Variants in PDE1C observed in about 807,000 individuals in gnomAD.
PDE1C encodes dual specificity calcium/calmodulin-dependent 3',5'-cyclic nucleotide phosphodiesterase 1C.
A neutral mutation model predicts 93.1 loss-of-function variants in PDE1C; 62 were observed. The observed-to-expected ratio is 0.67, with a 90% CI of 0.54 to 0.82. The LOEUF (loss-of-function observed/expected upper bound fraction) is 0.82. PDE1C is among the 40% of genes least tolerant of loss of function. The pLI is 0.00. For missense variants in PDE1C, 742 were observed against 884.6 expected (o/e 0.84, Z 2.04); for synonymous variants, 325 against 310.1 (o/e 1.05, Z -0.50).
At chr7:31,648,939 G>T in the PDE1C span, among the ~76,000 whole-genome samples, 6 of 152,306 alleles carry the variant, frequency 3.9e-5, no homozygotes, top group South Asian at 2.1e-4. Context: ...GTCAGAACAC[G>T]TATCTATAAC....
chr7:31,656,579 T>A, the PDE1C span: 1 of 645,342 alleles, frequency 1.5e-6, no homozygotes, highest in Non-Finnish European at 1.9e-6. Flanking sequence ...TACCGCTTGA[T>A]GAATGAATGA....
intron 1 of PDE1C, among the ~76,000 whole-genome samples, chr7:32,342,790 A>G (rs1562682994): frequency 1.3e-5 from 2 of 152,224 alleles, no homozygotes; most frequent in Non-Finnish European, 2.9e-5. Flanking sequence ...ATGAGGCTTA[A>G]ATAAGTTAAC....
At chr7:31,702,607 C>G in the PDE1C span, among the ~76,000 whole-genome samples, 2 of 152,204 alleles carry the variant, frequency 1.3e-5, no homozygotes, top group East Asian at 3.9e-4. Context: ...ATACCCAAAA[C>G]TTTGTCATCT....
chr7:31,637,978 A>G, the PDE1C span, among the ~76,000 whole-genome samples: 1 of 152,308 alleles, frequency 6.6e-6, no homozygotes, highest in East Asian at 1.9e-4. Context: ...TCCCAACACC[A>G]TTTATTAAAT....
At chr7:31,960,967 A>T (rs1808853800) in intron 2 of PDE1C, among the ~76,000 whole-genome samples, 1 of 152,142 alleles carries the variant, frequency 6.6e-6, no homozygotes, top group Non-Finnish European at 1.5e-5. Context: ...CTGTGTGTTC[A>T]ATTTCATCAT....
chr7:32,245,505 C>A (rs187467061), intron 1 of PDE1C, among the ~76,000 whole-genome samples: 1 of 152,150 alleles, frequency 6.6e-6, no homozygotes, highest in Non-Finnish European at 1.5e-5. Context: ...CTTCCCCTTT[C>A]GCCACCTTCC....
At chr7:32,290,843 T>C (rs1812287225) in intron 1 of PDE1C, among the ~76,000 whole-genome samples, 1 of 152,102 alleles carries the variant, frequency 6.6e-6, no homozygotes, top group South Asian at 2.1e-4. Context: ...GTGAAGCACA[T>C]GAAAAATGCC....
At chr7:32,386,107 T>C (rs1391617655) in intron 1 of PDE1C, among the ~76,000 whole-genome samples, 23 of 119,680 alleles carry the variant, frequency 1.9e-4, no homozygotes, top group Non-Finnish European at 3.9e-4. Context: ...TTTTTTTTTT[T>C]CCAGAAACAA....
chr7:32,360,008 C>G (rs1382728348), intron 1 of PDE1C, among the ~76,000 whole-genome samples: 2 of 152,102 alleles, frequency 1.3e-5, no homozygotes, highest in East Asian at 3.9e-4. Flanking sequence ...CAAGTATGGC[C>G]ACCATACTTG....
In PDE1C at chr7:32,064,798, T is replaced by C. The variant is rs1795188508; in HGVS notation, c.101+5495A>G. 2.0e-5 allele frequency among the ~76,000 whole-genome samples: 3 copies of C among 152,246 alleles called. No homozygotes were observed. The South Asian group carries it at 6.2e-4, about 32-fold the overall frequency. ...CACCTCCTCAAACTATGAGCATACA[T>C]AATTTTGAGTAAAACAAAAAGTAAA... On this transcript the variant is annotated intron_variant, in intron 1 of 17. Coordinates refer to ENST00000396191, the MANE Select transcript of PDE1C (RefSeq NM_001191057.4).
At chr7:31,816,496 G>A (rs867721461) in intron 14 of PDE1C, among the ~76,000 whole-genome samples, 5 of 151,984 alleles carry the variant, frequency 3.3e-5, no homozygotes, top group Middle Eastern at 3.4e-3. Context: ...TGTTTTTTGG[G>A]GATTATTTAT....
At chr7:31,798,807 C>T (rs1785626694) in intron 16 of PDE1C, among the ~76,000 whole-genome samples, 1 of 151,710 alleles carries the variant, frequency 6.6e-6, no homozygotes, top group Non-Finnish European at 1.5e-5. Context: ...AATGCATAGC[C>T]AGTGTCAACT....
intron 1 of PDE1C, among the ~76,000 whole-genome samples, chr7:32,297,989 CTCTCTCTCCTCT>C (rs1812704266): frequency 8.6e-5 from 3 of 35,026 alleles, no homozygotes; most frequent in Non-Finnish European, 1.9e-4. Context: ...CTCTCTCTCT[CTCTCTCTCCTCT>C]CTCTCTCTCT....
At chr7:32,305,787 G>T (rs764019288) in intron 1 of PDE1C, among the ~76,000 whole-genome samples, 8 of 152,226 alleles carry the variant, frequency 5.3e-5, no homozygotes, top group Non-Finnish European at 5.9e-5. Context: ...GTGAGAGTTA[G>T]GAAAGGGTAC....
chr7:32,020,020 T>C (rs1260489929), intron 2 of PDE1C, among the ~76,000 whole-genome samples: 1 of 151,936 alleles, frequency 6.6e-6, no homozygotes, highest in Admixed American at 6.6e-5. Flanking sequence ...AGCTGAGGTG[T>C]CAGAGAAGGG....
chr7:32,400,643 A>G (rs986221468), intron 1 of PDE1C, among the ~76,000 whole-genome samples: 1 of 152,216 alleles, frequency 6.6e-6, no homozygotes, highest in African/African-American at 2.4e-5. Context: ...ATTGGAAAAC[A>G]CTGGACTAGA....
At chr7:31,964,644 G>A (rs186394516) in intron 2 of PDE1C, among the ~76,000 whole-genome samples, 15 of 152,334 alleles carry the variant, frequency 9.8e-5, no homozygotes, top group African/African-American at 2.2e-4. Flanking sequence ...ATCTGAGAAC[G>A]GGCAGACTGC....
rs1483684361 is a variant in PDE1C at position 31,879,020 on chromosome 7, A to C, written c.401T>G (p.Val134Gly). The C allele has an allele frequency of 6.2e-7, 1 of 1,614,012 alleles. No homozygotes were observed. The highest frequency in any genetic ancestry group is 1.7e-5 in the Admixed American group (1 of 60,000). ...KPRFKSIVHA[V>G]QAGIFVERMY... ...CCTCTCCACAAATATCCCAGCCTGC[A>C]CTGCGTGAACGATGCTCTTGAACCG... Residue 134 changes from valine (V) to glycine (G), a missense_variant, in exon 4 of 18, where the codon GTG (valine) becomes GGG (glycine). Coordinates refer to ENST00000396191, the MANE Select transcript of PDE1C (RefSeq NM_001191057.4).
chr7:32,225,312 G>A (rs1807179945), intron 1 of PDE1C, among the ~76,000 whole-genome samples: 1 of 151,846 alleles, frequency 6.6e-6, no homozygotes, highest in South Asian at 2.1e-4. Context: ...TTTCTACACA[G>A]GTTCATTTTT....
Sources: allele counts gnomAD v4.1 joint callset (sites outside exome capture counted in the v4.1 genomes callset), GRCh38; gene constraint gnomAD v4.1.1; transcripts MANE v1.5; gene names NCBI Gene and HGNC (gene_info 2026-07-23, HGNC 2026-07-21).